HYCC1: variants seen among roughly 807,000 people sequenced by gnomAD.
HYCC1 encodes hyccin.
At chr7:22,973,849 G>A in the HYCC1 span, among the ~76,000 whole-genome samples, 11 of 152,146 alleles carry the variant, frequency 7.2e-5, no homozygotes. Context: ...CTACGTTAGA[G>A]TTAGATAGGC....
At chr7:23,002,162 A>ATATATATATAAT in the HYCC1 span, among the ~76,000 whole-genome samples, 1 of 35,486 alleles carries the variant, frequency 2.8e-5, no homozygotes, top group Non-Finnish European at 5.1e-5. Context: ...ATATATATAT[A>ATATATATATAAT]TATATATATA....
At chr7:22,980,775 G>C in the HYCC1 span, among the ~76,000 whole-genome samples, 3 of 152,204 alleles carry the variant, frequency 2.0e-5, no homozygotes, top group East Asian at 1.9e-4. Flanking sequence ...CCGACTCCTA[G>C]AACTCCAAGG....
chr7:22,958,573 A>G, the HYCC1 span, among the ~76,000 whole-genome samples: 2 of 152,156 alleles, frequency 1.3e-5, no homozygotes, highest in Non-Finnish European at 2.9e-5. Flanking sequence ...CCAAAATACA[A>G]TCTGGAAGAT....
At chr7:22,979,924 A>C in the HYCC1 span, among the ~76,000 whole-genome samples, 1 of 152,216 alleles carries the variant, frequency 6.6e-6, no homozygotes, top group South Asian at 2.1e-4. Context: ...ATAAATATCA[A>C]TATCTGCATA....
At chr7:22,978,380 A>G in the HYCC1 span, 1 of 1,614,062 alleles carries the variant, frequency 6.2e-7, no homozygotes, top group Non-Finnish European at 8.5e-7. Context: ...ATTGCAGCGT[A>G]AATTGAAGCA....
At chr7:23,004,936 G>T in the HYCC1 span, among the ~76,000 whole-genome samples, 1,314 of 152,144 alleles carry the variant, frequency 8.6e-3, 16 homozygotes, top group African/African-American at 0.03. Context: ...CTCCTGAGTA[G>T]CTGGGACTAC....
the HYCC1 span, among the ~76,000 whole-genome samples, chr7:22,925,497 G>A: frequency 6.6e-6 from 1 of 152,300 alleles, no homozygotes; most frequent in East Asian, 1.9e-4. Flanking sequence ...AGGACCTGAT[G>A]GAGCTGAAAA....
chr7:22,943,971 T>C, the HYCC1 span: 1 of 152,108 alleles, frequency 6.6e-6, no homozygotes, highest in Non-Finnish European at 1.5e-5. Context: ...AAGAACTCGG[T>C]TTAAACTGGT....
At chr7:22,918,392 T>C in the HYCC1 span, among the ~76,000 whole-genome samples, 5 of 152,088 alleles carry the variant, frequency 3.3e-5, no homozygotes, top group African/African-American at 9.7e-5. Flanking sequence ...TTCAGCTTAA[T>C]CTCTCCCATT....
the HYCC1 span, among the ~76,000 whole-genome samples, chr7:22,954,919 T>C: frequency 6.6e-6 from 1 of 151,558 alleles, no homozygotes; most frequent in Admixed American, 6.6e-5. Context: ...TATTGATACC[T>C]ACTAGTTGCA....
At chr7:22,962,170 C>G in the HYCC1 span, among the ~76,000 whole-genome samples, 10 of 152,136 alleles carry the variant, frequency 6.6e-5, no homozygotes, top group African/African-American at 1.9e-4. Context: ...GAGACAGGTG[C>G]CTCTAAGGAG....
At chr7:22,953,875 T>C in the HYCC1 span, among the ~76,000 whole-genome samples, 2 of 151,772 alleles carry the variant, frequency 1.3e-5, no homozygotes, top group South Asian at 2.1e-4. Context: ...TAAAAGTATT[T>C]ACATTTTTTA....
chr7:22,935,353 ATC>A, the HYCC1 span: 1 of 152,116 alleles, frequency 6.6e-6, no homozygotes, highest in Non-Finnish European at 1.5e-5. Flanking sequence ...ATCATTTTTA[ATC>A]TGATTTCAGG....
At chr7:22,983,845 C>T in the HYCC1 span, 310 of 740,632 alleles carry the variant, frequency 4.2e-4, no homozygotes, top group African/African-American at 4.7e-3. Flanking sequence ...GTTCTTTAAA[C>T]ATATACATTT....
chr7:22,962,714 G>T, the HYCC1 span, among the ~76,000 whole-genome samples: 1 of 151,954 alleles, frequency 6.6e-6, no homozygotes, highest in Non-Finnish European at 1.5e-5. Context: ...AACTGAGGCT[G>T]GACCAGGACA....
chr7:22,983,627 C>T, the HYCC1 span: 2 of 274,648 alleles, frequency 7.3e-6, no homozygotes, highest in East Asian at 7.7e-5. Context: ...CAATTTGATT[C>T]TCTACTGCCT....
the HYCC1 span, among the ~76,000 whole-genome samples, chr7:22,901,583 C>A: frequency 6.6e-6 from 1 of 151,908 alleles, no homozygotes; most frequent in East Asian, 1.9e-4. Context: ...CTAGCCCCAA[C>A]TAAGATGGTA....
the HYCC1 span, among the ~76,000 whole-genome samples, chr7:23,002,175 T>TATAC: frequency 3.9e-5 from 2 of 51,810 alleles, no homozygotes; most frequent in Non-Finnish European, 4.4e-5. Flanking sequence ...TATATATATA[T>TATAC]ACATATAGTT....
At chr7:22,995,111 G>A in the HYCC1 span, among the ~76,000 whole-genome samples, 4 of 152,094 alleles carry the variant, frequency 2.6e-5, no homozygotes, top group African/African-American at 9.7e-5. Flanking sequence ...ACACATCCCT[G>A]AAACAAACCA....
Sources: gnomAD v4.1 joint callset for allele counts (sites outside exome capture counted in the v4.1 genomes callset) on GRCh38, gnomAD v4.1.1 for gene constraint, MANE v1.5 for transcripts, NCBI Gene and HGNC (gene_info 2026-07-23, HGNC 2026-07-21) for gene names.